MGLL: variants seen among roughly 807,000 people sequenced by gnomAD.
The protein encoded by MGLL is lysophospholipase homolog.
In MGLL, 7 loss-of-function variants were observed where a neutral mutation model predicts 29.1. The ratio of observed to expected loss-of-function variants is 0.24; its 90% CI spans 0.14 to 0.45. The LOEUF (loss-of-function observed/expected upper bound fraction) is 0.45. MGLL is among the 20% of genes least tolerant of loss of function. The probability of loss-of-function intolerance (pLI) is 0.99; values close to 1 mark genes in which losing one functional copy is unlikely to be tolerated. For missense variants in MGLL, 356 were observed against 413.6 expected, an observed-to-expected ratio of 0.86 and a Z score of 1.21; for synonymous variants, 148 against 168.3, an observed-to-expected ratio of 0.88 and a Z score of 0.93.
chr3:127,710,907 G>A lies in MGLL; in HGVS notation c.511-242C>T, dbSNP rs975647112. 9.3e-6 allele frequency: 5 copies of A among 536,484 alleles called. No homozygotes were observed. The East Asian group carries it at 1.4e-4, about 14-fold the overall frequency. 33.2% of individuals were successfully genotyped at this position (536,484 alleles called of 1,614,324 possible). On this transcript the variant is annotated intron_variant, in intron 5 of 7. Transcript: ENST00000265052. ...CTGGCCAGGCAGCCGCTGCGCCCAA[G>A]GTGGGAAGTCACGTCTGAATTTTGC...
rs146273801 is a variant in MGLL, at chr3:127,776,448, T to C, written c.262+5341A>G. On this transcript the variant is annotated intron_variant, in intron 3 of 7. Transcript: ENST00000265052. The stretch of plus-strand genomic sequence containing the variant: ...CTGACAGTAGGCAAGGTGAGAACCA[T>C]GGCTCTCAACGATCGGAGCCCTTCC... 3.5e-3 allele frequency among the ~76,000 whole-genome samples: 534 copies of C among 152,278 alleles called. 5 individuals carry two copies. Among genetic ancestry groups the C allele is most frequent in the African/African-American group, 0.012 (515 of 41,552 alleles).
intron 3 of MGLL, among the ~76,000 whole-genome samples, chr3:127,753,849 G>A (rs1016197175): frequency 2.0e-5 from 3 of 152,324 alleles, no homozygotes; most frequent in South Asian, 2.1e-4. Context: ...GCACAGGCAG[G>A]TCTCCACCGG....
intron 3 of MGLL, among the ~76,000 whole-genome samples, chr3:127,735,510 T>A (rs1376966513): frequency 6.6e-6 from 1 of 152,240 alleles, no homozygotes; most frequent in Admixed American, 6.5e-5. Context: ...TGAGTAAGTA[T>A]GACTCCATTT....
chr3:127,748,095 T>A (rs1189195318), intron 3 of MGLL, among the ~76,000 whole-genome samples: 1 of 152,188 alleles, frequency 6.6e-6, no homozygotes. Context: ...CTAGGACAAG[T>A]GTTGAAAGTA....
chr3:127,694,948 G>T, intron 7 of MGLL, 27 bp downstream of exon 7: 1 of 1,608,092 alleles, frequency 6.2e-7, no homozygotes, highest in Non-Finnish European at 8.5e-7. Context: ...CACCTTGGGG[G>T]GAAGTGGGCA....
chr3:127,755,489 C>A (rs1466273690), intron 3 of MGLL, among the ~76,000 whole-genome samples: 1 of 152,074 alleles, frequency 6.6e-6, no homozygotes, highest in Non-Finnish European at 1.5e-5. Context: ...GTGACAAGGA[C>A]AAGGAGAAGG....
At chr3:127,710,819 C>T in intron 5 of MGLL, 154 bp from the exon 6 acceptor site, 7 of 716,166 alleles carry the variant, frequency 9.8e-6, no homozygotes, top group Non-Finnish European at 1.8e-5. Flanking sequence ...AGCCTGCATG[C>T]CCAAGGACTC....
intron 3 of MGLL, among the ~76,000 whole-genome samples, chr3:127,742,485 G>A (rs1320901806): frequency 2.0e-5 from 3 of 151,086 alleles, no homozygotes; most frequent in Non-Finnish European, 4.4e-5. Context: ...AGATAGTCAG[G>A]AGGCTGAGGC....
At chr3:127,790,662 A>G (rs559339086) in intron 2 of MGLL, among the ~76,000 whole-genome samples, 8 of 152,136 alleles carry the variant, frequency 5.3e-5, no homozygotes, top group Non-Finnish European at 5.9e-5. Flanking sequence ...GTTGAATGAG[A>G]CCCGGTCCAC....
At chr3:127,759,049 A>AATTTTT in intron 3 of MGLL, among the ~76,000 whole-genome samples, 1 of 151,086 alleles carries the variant, frequency 6.6e-6, no homozygotes, top group Admixed American at 6.6e-5. Context: ...CAGCGTCCTG[A>AATTTTT]GTAGCTAGCT....
At chr3:127,694,474 G>A (rs765865440) in intron 7 of MGLL, among the ~76,000 whole-genome samples, 5 of 151,816 alleles carry the variant, frequency 3.3e-5, no homozygotes, top group Non-Finnish European at 5.9e-5. Flanking sequence ...AAGCCGCAGG[G>A]CCTGTCCTCA....
At chr3:127,807,784 T>C in intron 2 of MGLL, among the ~76,000 whole-genome samples, 1 of 113,232 alleles carries the variant, frequency 8.8e-6, no homozygotes, top group South Asian at 3.1e-4. Context: ...TTTTTTGAGA[T>C]GGAGTCTCGC....
intron 2 of MGLL, among the ~76,000 whole-genome samples, chr3:127,802,430 A>C (rs754837300): frequency 1.3e-5 from 2 of 152,150 alleles, no homozygotes; most frequent in Non-Finnish European, 2.9e-5. Flanking sequence ...CCTCTCCCAC[A>C]CTTTCCCATC....
intron 2 of MGLL, among the ~76,000 whole-genome samples, chr3:127,783,143 C>CAAAAAAAAA (rs72041528): frequency 9.4e-5 from 6 of 63,926 alleles, no homozygotes; most frequent in Admixed American, 2.2e-4. Context: ...GACTCTGTCT[C>CAAAAAAAAA]AAAAAAAAAA....
intron 3 of MGLL, among the ~76,000 whole-genome samples, chr3:127,757,427 T>C (rs13316160): frequency 0.035 from 5,320 of 152,274 alleles, 298 homozygotes; most frequent in African/African-American, 0.12. Flanking sequence ...TCCCAGTGCC[T>C]GTATATAATA....
chr3:127,766,330 A>G (rs562208047), intron 3 of MGLL, among the ~76,000 whole-genome samples: 1 of 152,298 alleles, frequency 6.6e-6, no homozygotes, highest in Admixed American at 6.5e-5. Flanking sequence ...GCAGGTTCTC[A>G]TATAATAGCT....
At chr3:127,790,952 C>T (rs910256985) in intron 2 of MGLL, among the ~76,000 whole-genome samples, 1 of 152,130 alleles carries the variant, frequency 6.6e-6, no homozygotes. Flanking sequence ...AGGGGGTAGC[C>T]GGCCCCAGTG....
At position 127,695,274 on chromosome 3, in the gene MGLL, CT is replaced by C. The variant is rs1370419961; in HGVS notation, c.601-85del. On this transcript the variant is annotated intron_variant, in intron 6 of 7. Transcript: ENST00000265052. ...GCCTATTTCCTGGTAGCTTTTCCTT[CT>C]GCTCTGGCCTGAAGGGTTGATTCCA... 3.3e-5 allele frequency: 46 copies of C among 1,373,406 alleles called. No individual in the cohort carries two copies. The Middle Eastern group carries it at 9.6e-4, about 29-fold the overall frequency. The allele number at this position is 1,373,406 out of a possible 1,614,324, so 85.1% of individuals were successfully genotyped here.
In MGLL at chr3:127,822,385, G is replaced by T; in HGVS notation, c.-67C>A. On this transcript the variant is annotated 5_prime_UTR_variant, in exon 1 of 8. Transcript: ENST00000265052. ...GAATCAGAACCAGGCAAATCGGGCT[G>T]TTCCCTCATCTGGGCGGCCCCAAGG... 1 of 1,578,434 alleles carries T rather than the reference G, an allele frequency of 6.3e-7. No individual in the cohort carries two copies. Among genetic ancestry groups the T allele is most frequent in the Non-Finnish European group, 8.7e-7 (1 of 1,147,962 alleles).
Sources: gnomAD v4.1 joint callset for allele counts (sites outside exome capture counted in the v4.1 genomes callset) on GRCh38, gnomAD v4.1.1 for gene constraint, MANE v1.5 for transcripts, NCBI Gene and HGNC (gene_info 2026-07-23, HGNC 2026-07-21) for gene names.